CCSER1: variants seen among roughly 807,000 people sequenced by gnomAD.
CCSER1 encodes serine-rich coiled-coil domain-containing protein 1.
In CCSER1, 41 loss-of-function variants were observed where a neutral mutation model predicts 82.0. The ratio of observed to expected loss-of-function variants is 0.50; its 90% CI spans 0.39 to 0.65. CCSER1 has a LOEUF of 0.65. Ranked by LOEUF, CCSER1 falls within the 30% of genes least tolerant of loss-of-function variation. The probability of loss-of-function intolerance (pLI) is 0.00; values close to 1 mark genes in which losing one functional copy is unlikely to be tolerated. For missense variants in CCSER1, 1,119 were observed against 1,064.2 expected (o/e 1.05, Z -0.72); for synonymous variants, 414 against 383.9 (o/e 1.08, Z -0.92).
At chr4:90,267,622 G>T (rs1330691591) in intron 1 of CCSER1, among the ~76,000 whole-genome samples, 1 of 152,154 alleles carries the variant, frequency 6.6e-6, no homozygotes, top group East Asian at 1.9e-4. Flanking sequence ...TTCCCCAGCT[G>T]CAGGCAGCTG....
chr4:90,232,831 C>T lies in CCSER1; in HGVS notation c.-41-75413C>T, dbSNP rs1334119348. Among the ~76,000 whole-genome samples the T allele has an allele frequency of 9.2e-5, 14 of 151,796 alleles. No homozygotes were observed. In the East Asian group the frequency reaches 1.4e-3, roughly 15 times the overall value. ...GGGTGAAGGACATGAACAGACACTT[C>T]TCAAAAGAAGACATTTATGCAGCCA... On this transcript the variant is annotated intron_variant, in intron 1 of 10. Coordinates refer to ENST00000509176, the MANE Select transcript of CCSER1 (RefSeq NM_001145065.2).
intron 9 of CCSER1, among the ~76,000 whole-genome samples, chr4:90,971,950 A>G (rs1331898164): frequency 6.6e-6 from 1 of 151,940 alleles, no homozygotes; most frequent in South Asian, 2.1e-4. Context: ...ACACCTTCTC[A>G]TGATAAATAC....
chr4:90,352,945 C>A (rs1037525580), intron 3 of CCSER1, among the ~76,000 whole-genome samples: 1 of 151,944 alleles, frequency 6.6e-6, no homozygotes, highest in African/African-American at 2.4e-5. Context: ...TGATTGTTTA[C>A]CCAGTATTGA....
chr4:91,182,113 C>T (rs961537310), intron 10 of CCSER1, among the ~76,000 whole-genome samples: 18 of 152,226 alleles, frequency 1.2e-4, no homozygotes, highest in South Asian at 8.3e-4. Flanking sequence ...TGGCTGTGTT[C>T]GATGGGTGTT....
chr4:91,090,088 G>A (rs1445113146), intron 10 of CCSER1, among the ~76,000 whole-genome samples: 1 of 152,182 alleles, frequency 6.6e-6, no homozygotes, highest in East Asian at 1.9e-4. Context: ...ATCCCCATGA[G>A]CCATCTTGTG....
intron 3 of CCSER1, among the ~76,000 whole-genome samples, chr4:90,345,200 T>G (rs929180670): frequency 6.6e-6 from 1 of 152,126 alleles, no homozygotes; most frequent in Non-Finnish European, 1.5e-5. Flanking sequence ...GAAATATGTG[T>G]AGGAATGTAG....
chr4:90,413,595 T>C lies in CCSER1; in HGVS notation c.1603+13466T>C, dbSNP rs185658755. Among the ~76,000 whole-genome samples the C allele has an allele frequency of 9.2e-4, 139 of 151,874 alleles. 1 individual carries two copies. Among genetic ancestry groups the C allele is most frequent in the African/African-American group, 3.1e-3 (127 of 41,424 alleles). On this transcript the variant is annotated intron_variant, in intron 4 of 10. Transcript: ENST00000509176. Reference sequence around the variant, plus strand: ...GTACTGGTATAAAAATGATACGGGGTGTGAATGTTTAGTTTTTGCTGATTG... The same window carrying C: ...GTACTGGTATAAAAATGATACGGGGCGTGAATGTTTAGTTTTTGCTGATTG...
intron 10 of CCSER1, among the ~76,000 whole-genome samples, chr4:91,455,324 T>G (rs148362912): frequency 3.5e-4 from 54 of 152,226 alleles, no homozygotes; most frequent in Middle Eastern, 3.4e-3. Flanking sequence ...CTCTCAAAAA[T>G]TCATATTTTT....
At chr4:90,622,899 C>T (rs927542337) in intron 5 of CCSER1, among the ~76,000 whole-genome samples, 2 of 152,052 alleles carry the variant, frequency 1.3e-5, no homozygotes, top group African/African-American at 4.8e-5. Flanking sequence ...TAAAAGTGTC[C>T]CTATTTCTCC....
chr4:90,424,497 A>G (rs574871261), intron 4 of CCSER1, among the ~76,000 whole-genome samples: 3 of 152,166 alleles, frequency 2.0e-5, no homozygotes, highest in Non-Finnish European at 4.4e-5. Context: ...TATATGGCAA[A>G]CTTTATTGTT....
chr4:91,132,327 T>C (rs1274751290), intron 10 of CCSER1, among the ~76,000 whole-genome samples: 1 of 152,236 alleles, frequency 6.6e-6, no homozygotes, highest in Non-Finnish European at 1.5e-5. Flanking sequence ...GAATAAGGAC[T>C]GTGAAGGTGT....
At chr4:91,268,225 G>A (rs751563129) in intron 10 of CCSER1, among the ~76,000 whole-genome samples, 8 of 152,048 alleles carry the variant, frequency 5.3e-5, no homozygotes, top group Non-Finnish European at 8.8e-5. Context: ...TAAAAAAGAA[G>A]GGCATACATT....
At chr4:91,348,560 T>C in intron 10 of CCSER1, among the ~76,000 whole-genome samples, 1 of 152,196 alleles carries the variant, frequency 6.6e-6, no homozygotes, top group East Asian at 1.9e-4. Context: ...AATTTCATTT[T>C]TAAATTATTG....
At chr4:90,790,183 C>G (rs944333746) in intron 7 of CCSER1, among the ~76,000 whole-genome samples, 1 of 152,104 alleles carries the variant, frequency 6.6e-6, no homozygotes, top group South Asian at 2.1e-4. Flanking sequence ...AGTCTTTAGC[C>G]TTGGTCCTAT....
At chr4:90,464,861 CATT>C (rs1389560661) in intron 4 of CCSER1, among the ~76,000 whole-genome samples, 10 of 152,132 alleles carry the variant, frequency 6.6e-5, no homozygotes, top group African/African-American at 1.7e-4. Context: ...ATTTTTTATG[CATT>C]ATTAACTTTT....
intron 8 of CCSER1, 94 bp from the exon 9 acceptor site, chr4:90,923,276 T>C (rs1310558879): frequency 1.2e-5 from 10 of 862,516 alleles, no homozygotes. Flanking sequence ...AGAACATGAA[T>C]TATACACTAA....
intron 1 of CCSER1, among the ~76,000 whole-genome samples, chr4:90,302,727 C>T (rs913259570): frequency 6.6e-6 from 1 of 151,992 alleles, no homozygotes; most frequent in Non-Finnish European, 1.5e-5. Context: ...GGCTTGAGCC[C>T]AGGAATTCGA....
intron 10 of CCSER1, among the ~76,000 whole-genome samples, chr4:91,251,500 C>A (rs1341534782): frequency 2.0e-5 from 3 of 152,090 alleles, no homozygotes; most frequent in Non-Finnish European, 4.4e-5. Context: ...GAATTCAATC[C>A]TGGAAGTGCT....
chr4:90,219,049 G>A (rs554372334), intron 1 of CCSER1, among the ~76,000 whole-genome samples: 1 of 152,280 alleles, frequency 6.6e-6, no homozygotes, highest in Non-Finnish European at 1.5e-5. Flanking sequence ...AAGGAGTGAA[G>A]TTGGCATTTT....
Sources: allele counts gnomAD v4.1 joint callset (sites outside exome capture counted in the v4.1 genomes callset), GRCh38; gene constraint gnomAD v4.1.1; transcripts MANE v1.5; gene names NCBI Gene and HGNC (gene_info 2026-07-23, HGNC 2026-07-21).